NEK1: variants seen among roughly 807,000 people sequenced by gnomAD.
The protein encoded by NEK1 is NIMA related kinase 1, also known as serine/threonine-protein kinase Nek1.
NEK1 carries 137 observed loss-of-function variants against 182.1 expected under a neutral mutation model. That is an observed-to-expected ratio of 0.75 (90% CI 0.65 to 0.87). The LOEUF is 0.87. Among genes scored for constraint, NEK1 ranks in the 40% least tolerant of loss-of-function variants. NEK1 has a pLI of 0.00. For missense variants in NEK1, 1,391 were observed against 1,494.4 expected, an observed-to-expected ratio of 0.93 and a Z score of 1.14; for synonymous variants, 513 against 492.2, an observed-to-expected ratio of 1.04 and a Z score of -0.56.
Position 169,580,860 on chromosome 4 carries a change from C to A in NEK1, c.850G>T (p.Gly284Ter). The A allele has an allele frequency of 6.5e-7, 1 of 1,533,148 alleles. No homozygotes were observed. The highest frequency in any genetic ancestry group is 2.5e-5 in the East Asian group (1 of 40,274). The allele number at this position is 1,533,148 out of a possible 1,614,324, so 95.0% of individuals were successfully genotyped here. A position where few individuals can be genotyped will look rare whatever the true frequency, so the allele number is the denominator to read the frequency against. ...CATTTACCTGGTATAGGCTGTGATC[C>A]AAACTTCGAAAATGTTTTTAGACAA... ...EFCLKTFSKF[G>*]SQPIPAKRPA... Residue 284 changes from glycine to a stop codon, truncating the protein, a stop_gained, in exon 11 of 36, where the codon GGA becomes TGA. Transcript: ENST00000507142. LOFTEE classifies it high-confidence loss of function.
intron 5 of NEK1, among the ~76,000 whole-genome samples, chr4:169,598,004 G>GTA (rs2150125050): frequency 6.6e-6 from 1 of 152,152 alleles, no homozygotes; most frequent in South Asian, 2.1e-4. Flanking sequence ...GTGTCTTAAT[G>GTA]TATATATGTA....
At chr4:169,462,455 G>A (rs1341468270) in intron 27 of NEK1, among the ~76,000 whole-genome samples, 1 of 151,974 alleles carries the variant, frequency 6.6e-6, no homozygotes, top group Non-Finnish European at 1.5e-5. Flanking sequence ...AGAATTATTA[G>A]CAGCCTACTT....
intron 12 of NEK1, among the ~76,000 whole-genome samples, chr4:169,570,705 T>G (rs1222469988): frequency 2.0e-5 from 3 of 152,136 alleles, no homozygotes; most frequent in African/African-American, 7.2e-5. Context: ...GAACCAGCTA[T>G]GATGACAGTG....
chr4:169,418,780 A>T (rs1410433310), intron 31 of NEK1, among the ~76,000 whole-genome samples: 1 of 152,194 alleles, frequency 6.6e-6, no homozygotes, highest in Non-Finnish European at 1.5e-5. Context: ...TAACATATGT[A>T]ACTGGAGTCA....
rs1182459740 is a variant in NEK1, at chr4:169,555,942, G to A, written c.1420C>T (p.Leu474Phe). 9 of 1,613,512 alleles carry A rather than the reference G, an allele frequency of 5.6e-6. No individual in the cohort carries two copies. Among genetic ancestry groups the A allele is most frequent in the Non-Finnish European group, 6.8e-6 (8 of 1,179,690 alleles). ...AGAACATAGCCATACCTTTCTGGAA[G>A]ACCTCGACCATATATTTCTCTTTTC... ...KWKREIYGRG[L>F]PERGILPGVR... Residue 474 changes from leucine (L) to phenylalanine (F), a missense_variant, in exon 17 of 36, where the codon CTT becomes TTT. This residue lies in a region of NEK1 where 1,216 missense variants were observed against 1,277.6 expected (regional missense o/e 0.95). Coordinates refer to ENST00000507142, the MANE Select transcript of NEK1 (RefSeq NM_001199397.3).
rs757499454 is a variant in NEK1, at chr4:169,401,736, C to T, written c.3499G>A (p.Glu1167Lys). 5 of 1,613,814 alleles carry T rather than the reference C, an allele frequency of 3.1e-6. No homozygotes were observed. The African/African-American group carries it at 6.7e-5, about 22-fold the overall frequency. Residue 1167 changes from glutamate (E) to lysine (K), a missense_variant, in exon 33 of 36, where the codon GAG (glutamate) becomes AAG (lysine). Coordinates refer to ENST00000507142, the MANE Select transcript of NEK1 (RefSeq NM_001199397.3). ...EESVLKNSDV[E>K]PTANGTDVAD... ...ACATCTGTCCCATTTGCAGTTGGCT[C>T]CACATCACTGTTCTTCAAGACTGAC...
At chr4:169,471,286 T>C (rs1018951344) in intron 26 of NEK1, among the ~76,000 whole-genome samples, 4 of 152,204 alleles carry the variant, frequency 2.6e-5, no homozygotes, top group Admixed American at 6.5e-5. Flanking sequence ...TTGATGTTGG[T>C]GACCTTTGGA....
intron 11 of NEK1, among the ~76,000 whole-genome samples, chr4:169,578,951 C>T (rs143634003): frequency 2.4e-4 from 36 of 152,278 alleles, no homozygotes; most frequent in African/African-American, 8.7e-4. Context: ...TACACATACA[C>T]ATATACACAC....
intron 19 of NEK1, among the ~76,000 whole-genome samples, chr4:169,524,541 A>G (rs1481794554): frequency 6.6e-6 from 1 of 152,168 alleles, no homozygotes; most frequent in East Asian, 1.9e-4. Context: ...TAATACTCAA[A>G]TCAAACAGAA....
rs1242792089 is a variant in NEK1, at chr4:169,443,527, T to A, written c.2588-5268A>T. ...AAAAAGAATGGAAGTCTATGTGACA[T>A]AAGAGAAATTGTAAAGTGCCCAAAT... On this transcript the variant is annotated intron_variant, in intron 27 of 35. Transcript: ENST00000507142. 2.6e-5 allele frequency among the ~76,000 whole-genome samples: 4 copies of A among 151,236 alleles called. No individual in the cohort carries two copies. In the East Asian group the frequency reaches 5.8e-4, roughly 22 times the overall value.
intron 26 of NEK1, among the ~76,000 whole-genome samples, chr4:169,470,144 A>G (rs913915859): frequency 3.3e-5 from 5 of 151,990 alleles, no homozygotes; most frequent in Non-Finnish European, 7.4e-5. Context: ...GTTAATATTG[A>G]TATGTGTGAA....
At chr4:169,526,944 A>T (rs150784333) in intron 19 of NEK1, among the ~76,000 whole-genome samples, 286 of 152,324 alleles carry the variant, frequency 1.9e-3, no homozygotes, top group African/African-American at 6.8e-3. Flanking sequence ...TGTAATCCAT[A>T]ACCTTGTAAA....
At chr4:169,477,407 G>A in intron 25 of NEK1, 25 bp downstream of exon 25, 1 of 1,582,448 alleles carries the variant, frequency 6.3e-7, no homozygotes, top group Non-Finnish European at 8.6e-7. Flanking sequence ...TAAAATGATT[G>A]ATAAACTTTG....
chr4:169,449,893 G>A (rs1741361685), intron 27 of NEK1, among the ~76,000 whole-genome samples: 1 of 152,200 alleles, frequency 6.6e-6, no homozygotes, highest in Non-Finnish European at 1.5e-5. Flanking sequence ...GCTGAAGGAG[G>A]ATGTTTGAAC....
At chr4:169,525,776 A>G (rs988479796) in intron 19 of NEK1, among the ~76,000 whole-genome samples, 3 of 152,228 alleles carry the variant, frequency 2.0e-5, no homozygotes, top group Admixed American at 6.5e-5. Context: ...CTTATCTACA[A>G]GTTTTACCTA....
At chr4:169,496,218 G>A (rs1751245134) in intron 23 of NEK1, among the ~76,000 whole-genome samples, 1 of 152,222 alleles carries the variant, frequency 6.6e-6, no homozygotes, top group South Asian at 2.1e-4. Context: ...TGTTATTGGT[G>A]TATAAGACTG....
At chr4:169,498,338 C>T (rs1413228426) in intron 23 of NEK1, among the ~76,000 whole-genome samples, 10 of 152,118 alleles carry the variant, frequency 6.6e-5, no homozygotes, top group Admixed American at 2.0e-4. Context: ...AGCACACTGA[C>T]GGATCTTGAC....
At chr4:169,578,550 G>A (rs894360023) in intron 11 of NEK1, among the ~76,000 whole-genome samples, 8 of 152,074 alleles carry the variant, frequency 5.3e-5, no homozygotes, top group Non-Finnish European at 1.2e-4. Context: ...AATAGAAAAT[G>A]TTCATCATAT....
chr4:169,437,346 T>A (rs1449917284), intron 28 of NEK1, among the ~76,000 whole-genome samples: 1 of 152,156 alleles, frequency 6.6e-6, no homozygotes, highest in Non-Finnish European at 1.5e-5. Flanking sequence ...AATGTCATAA[T>A]GAGATGAGGC....
Sources: allele counts gnomAD v4.1 joint callset (sites outside exome capture counted in the v4.1 genomes callset), GRCh38; gene constraint gnomAD v4.1.1; regional missense constraint gnomAD v4.1.1; transcripts MANE v1.5; gene names NCBI Gene and HGNC (gene_info 2026-07-23, HGNC 2026-07-21).